Variants in GPR141 observed in about 807,000 individuals in gnomAD.
GPR141 encodes probable G protein-coupled receptor 141.
Under a neutral mutation model 6.8 loss-of-function variants are expected in GPR141, and 6 were observed. That is an observed-to-expected ratio of 0.88 (90% CI 0.48 to 1.74). The LOEUF (loss-of-function observed/expected upper bound fraction) is 1.74, where lower values mean the gene tolerates loss of function less well. GPR141 is among the 40% of genes most tolerant of loss of function. The pLI is 0.01. For missense variants in GPR141, 372 were observed against 372.9 expected (o/e 1.00, Z 0.02); for synonymous variants, 140 against 142.3 (o/e 0.98, Z 0.11).
intron 2 of GPR141, among the ~76,000 whole-genome samples, chr7:37,708,851 A>G (rs1254776114): frequency 1.3e-5 from 2 of 152,122 alleles, no homozygotes; most frequent in Admixed American, 6.5e-5. Context: ...TTGACATCTC[A>G]CTCAAGCCTT....
At chr7:37,700,312 A>G (rs548323626) in intron 2 of GPR141, among the ~76,000 whole-genome samples, 15 of 152,216 alleles carry the variant, frequency 9.9e-5, no homozygotes, top group Admixed American at 2.0e-4. Context: ...ATCACAATTC[A>G]GTACCATAGT....
chr7:37,740,568 G>T lies in GPR141; in HGVS notation c.175G>T (p.Val59Leu). The change falls in exon 3 of 3, where the codon GTG (valine) becomes TTG (leucine). Residue 59 changes from valine (V) to leucine (L), a missense_variant. Transcript: ENST00000334425. The part of the protein sequence containing the change: ...SVTTMAVINL[V>L]VVHSVFLLTV... The stretch of plus-strand genomic sequence containing the variant: ...GACCACCATGGCGGTCATTAACTTG[G>T]TGGTGGTCCACAGCGTTTTTCTGCT... 6.2e-7 allele frequency: 1 copy of T among 1,614,094 alleles called. No individual in the cohort carries two copies. Among genetic ancestry groups the T allele is most frequent in the South Asian group, 1.1e-5 (1 of 91,082 alleles).
At chr7:37,715,653 G>C (rs1484354051) in intron 2 of GPR141, among the ~76,000 whole-genome samples, 43 of 152,144 alleles carry the variant, frequency 2.8e-4, no homozygotes, top group Admixed American at 2.8e-3. Context: ...TTGGTTGTCA[G>C]GCTTTGATGG....
chr7:37,716,332 A>G (rs1209632584), intron 2 of GPR141, among the ~76,000 whole-genome samples: 1 of 152,202 alleles, frequency 6.6e-6, no homozygotes, highest in African/African-American at 2.4e-5. Context: ...GCAACTACCT[A>G]TTAGAGTGAG....
At chr7:37,724,058 A>G (rs1172250796) in intron 2 of GPR141, among the ~76,000 whole-genome samples, 1 of 152,268 alleles carries the variant, frequency 6.6e-6, no homozygotes, top group African/African-American at 2.4e-5. Flanking sequence ...CTTGCAGAGC[A>G]GTGTGGCTCA....
chr7:37,738,663 T>A (rs968451429), intron 2 of GPR141, among the ~76,000 whole-genome samples: 12 of 151,998 alleles, frequency 7.9e-5, no homozygotes, highest in Non-Finnish European at 1.5e-4. Flanking sequence ...TTTTTTTTTT[T>A]AAGTTTCATT....
In GPR141 at chr7:37,741,095, C is replaced by G; in HGVS notation, c.702C>G (p.Ile234Met). 6.2e-7 allele frequency: 1 copy of G among 1,613,890 alleles called. No individual in the cohort carries two copies. The highest frequency in any genetic ancestry group is 8.5e-7 in the Non-Finnish European group (1 of 1,179,838). The change falls in exon 3 of 3, where the codon ATC becomes ATG. Residue 234 changes from isoleucine to methionine, a missense_variant. Coordinates refer to ENST00000334425, the MANE Select transcript of GPR141 (RefSeq NM_001381946.1). ...AAAACCTATTTTTTATAGGGGTCATCCTTGTTTGTTTCCTTCCCTACCAGT... is the reference window on the plus strand; with the variant it reads ...AAAACCTATTTTTTATAGGGGTCATGCTTGTTTGTTTCCTTCCCTACCAGT... ...QLKNLFFIGVILVCFLPYQFF... is the reference protein window; with the variant it reads ...QLKNLFFIGVMLVCFLPYQFF...
chr7:37,717,217 T>C (rs1811091461), intron 2 of GPR141, among the ~76,000 whole-genome samples: 1 of 152,248 alleles, frequency 6.6e-6, no homozygotes, highest in Non-Finnish European at 1.5e-5. Flanking sequence ...AAAATATGCA[T>C]GAGGGCTTGC....
intron 2 of GPR141, among the ~76,000 whole-genome samples, chr7:37,734,768 A>G (rs1583577103): frequency 6.6e-6 from 1 of 152,208 alleles, no homozygotes; most frequent in Admixed American, 6.5e-5. Context: ...CTGATAGTAG[A>G]CTTAAGACCT....
At chr7:37,716,634 A>T (rs1449621062) in intron 2 of GPR141, among the ~76,000 whole-genome samples, 1 of 152,246 alleles carries the variant, frequency 6.6e-6, no homozygotes, top group Admixed American at 6.5e-5. Context: ...TCAAAAAATC[A>T]GAAGTGTGTG....
rs1811124299 is a variant in GPR141 at position 37,717,883 on chromosome 7, A to G, written c.-14-22497A>G. On this transcript the variant is annotated intron_variant, in intron 2 of 2. Coordinates refer to ENST00000334425, the MANE Select transcript of GPR141 (RefSeq NM_001381946.1). Reference sequence around the variant, plus strand: ...ATATATCTTAAATCTGATTGTTTACATTGCTCATGAGTATAATTGTTAAAT... The same window carrying G: ...ATATATCTTAAATCTGATTGTTTACGTTGCTCATGAGTATAATTGTTAAAT... Among the ~76,000 whole-genome samples, 3 of 152,220 alleles carry G rather than the reference A, an allele frequency of 2.0e-5. No homozygotes were observed. In the South Asian group the frequency reaches 6.2e-4, roughly 31 times the overall value.
At chr7:37,716,454 G>T (rs1328757334) in intron 2 of GPR141, among the ~76,000 whole-genome samples, 4 of 152,122 alleles carry the variant, frequency 2.6e-5, no homozygotes, top group Non-Finnish European at 5.9e-5. Flanking sequence ...GTGATATGAT[G>T]CTGAGAGAAA....
At chr7:37,704,639 A>G (rs902284772) in intron 2 of GPR141, among the ~76,000 whole-genome samples, 2 of 152,136 alleles carry the variant, frequency 1.3e-5, no homozygotes, top group Admixed American at 6.5e-5. Context: ...CAGCTAAATC[A>G]TATCAGTGTG....
At chr7:37,721,649 C>G (rs1338141171) in intron 2 of GPR141, among the ~76,000 whole-genome samples, 2 of 152,154 alleles carry the variant, frequency 1.3e-5, no homozygotes, top group Non-Finnish European at 2.9e-5. Flanking sequence ...TTGGTCCTCC[C>G]TAGATTTTTT....
chr7:37,714,239 C>G lies in GPR141; in HGVS notation c.-14-26141C>G, dbSNP rs371184927. Among the ~76,000 whole-genome samples, 124 of 152,242 alleles carry G rather than the reference C, an allele frequency of 8.1e-4. No individual in the cohort carries two copies. In the South Asian group the frequency reaches 0.023, roughly 29 times the overall value. ...TAGTACTTTGAAGTGAAGAGATTTA[C>G]AGGGACTGGGATGCAGACTCTGTAT... On this transcript the variant is annotated intron_variant, in intron 2 of 2. Transcript: ENST00000334425.
chr7:37,697,631 A>T (rs1184893421), intron 2 of GPR141, among the ~76,000 whole-genome samples: 1 of 152,020 alleles, frequency 6.6e-6, no homozygotes, highest in Non-Finnish European at 1.5e-5. Context: ...CAGAAGGTTG[A>T]CTCTTCACTG....
At chr7:37,719,098 G>A (rs1811188623) in intron 2 of GPR141, among the ~76,000 whole-genome samples, 1 of 152,154 alleles carries the variant, frequency 6.6e-6, no homozygotes, top group Admixed American at 6.5e-5. Context: ...GTGGAGCATG[G>A]CCAGTTTATA....
At chr7:37,716,904 G>A (rs932856911) in intron 2 of GPR141, among the ~76,000 whole-genome samples, 21 of 152,350 alleles carry the variant, frequency 1.4e-4, no homozygotes, top group African/African-American at 4.3e-4. Context: ...TAGGTATTAA[G>A]GGGAGGGTTT....
At chr7:37,690,332 GGGAGCAGATCCCTC>G (rs2131728686) in intron 2 of GPR141, among the ~76,000 whole-genome samples, 1 of 152,284 alleles carries the variant, frequency 6.6e-6, no homozygotes, top group South Asian at 2.1e-4. Flanking sequence ...TTTGGGTCGT[GGGAGCAGATCCCTC>G]ACGGCTTGGT....
Sources: gnomAD v4.1 joint callset for allele counts (sites outside exome capture counted in the v4.1 genomes callset) on GRCh38, gnomAD v4.1.1 for gene constraint, MANE v1.5 for transcripts, NCBI Gene and HGNC (gene_info 2026-07-23, HGNC 2026-07-21) for gene names.